The following GALNT17 variants were observed in gnomAD, a reference collection of about 807,000 sequenced individuals.
The protein encoded by GALNT17 is UDP-GalNAc:polypeptide N-acetylgalactosaminyltransferase-like 3.
GALNT17 carries 29 observed loss-of-function variants against 63.7 expected under a neutral mutation model. The observed-to-expected ratio is 0.46, with a 90% CI of 0.34 to 0.62. The LOEUF (loss-of-function observed/expected upper bound fraction) is 0.62. Among genes scored for constraint, GALNT17 ranks in the 20% least tolerant of loss-of-function variants. The pLI, the probability that GALNT17 is intolerant of heterozygous loss-of-function variation, is 0.01. For synonymous variants in GALNT17, 305 were observed against 318.3 expected (o/e 0.96, Z 0.45); for missense variants, 603 against 799.6 (o/e 0.75, Z 2.97).
chr7:71,476,393 G>C (rs1787723017), intron 5 of GALNT17, among the ~76,000 whole-genome samples: 3 of 152,052 alleles, frequency 2.0e-5, no homozygotes, highest in Non-Finnish European at 4.4e-5. Context: ...GTGGTTTTCA[G>C]TGAACGAATA....
chr7:71,381,993 T>C (rs557284683), intron 2 of GALNT17, among the ~76,000 whole-genome samples: 1 of 152,078 alleles, frequency 6.6e-6, no homozygotes, highest in East Asian at 1.9e-4. Flanking sequence ...AACTGTGGGG[T>C]TGGCAAAAGG....
chr7:71,215,091 G>A (rs773298357), intron 1 of GALNT17, among the ~76,000 whole-genome samples: 1 of 152,138 alleles, frequency 6.6e-6, no homozygotes, highest in Non-Finnish European at 1.5e-5. Flanking sequence ...TTAAACCCCA[G>A]TGTAACCTTG....
At position 71,420,964 on chromosome 7, in the gene GALNT17, C is replaced by T. The variant is rs778022057; in HGVS notation, c.821C>T (p.Ser274Phe). The T allele has an allele frequency of 3.1e-6, 5 of 1,614,172 alleles. No homozygotes were observed. The highest frequency in any genetic ancestry group is 1.1e-5 in the South Asian group (1 of 91,086). Reference protein sequence around the residue: ...QENRKRVILPSIDNIKQDNFE... With the variant: ...QENRKRVILPFIDNIKQDNFE... ...AACCGGAAGCGTGTGATCCTCCCCT[C>T]CATTGACAACATCAAACAGGACAAC... is the stretch of plus-strand genomic sequence containing the variant. The change falls in exon 5 of 11, where the codon TCC becomes TTC. Residue 274 changes from serine (S) to phenylalanine (F), a missense_variant. By Grantham distance (155) the Ser-to-Phe change is radical. Transcript: ENST00000333538.
rs117334999 is a variant in GALNT17, at chr7:71,539,562, A to G, written c.963-31723A>G. Among the ~76,000 whole-genome samples the G allele has an allele frequency of 4.7e-3, 711 of 152,208 alleles. 10 individuals are homozygous for G. Among genetic ancestry groups the G allele is most frequent in the East Asian group, 0.021 (110 of 5,166 alleles). ...TGCCTTCGACATCAATCCAACACAC[A>G]TATTTTTCCAGCAAATATTTTTATA... On this transcript the variant is annotated intron_variant, in intron 5 of 10. Transcript: ENST00000333538.
At chr7:71,464,747 C>G (rs1422297054) in intron 5 of GALNT17, among the ~76,000 whole-genome samples, 2 of 152,144 alleles carry the variant, frequency 1.3e-5, no homozygotes, top group Non-Finnish European at 2.9e-5. Context: ...CCTTGGTGCT[C>G]TGGGGCTGAG....
Position 71,712,201 on chromosome 7 carries a change from A to G in GALNT17, c.*55A>G. 6.3e-7 allele frequency: 1 copy of G among 1,583,660 alleles called. No homozygotes were observed. The highest frequency in any genetic ancestry group is 8.6e-7 in the Non-Finnish European group (1 of 1,165,256). ...CCCCCAGGACATGGCTGCTCCCCCC[A>G]ACATCTGGACCAGCTGCCCTGGCGG... On this transcript the variant is annotated 3_prime_UTR_variant, in exon 11 of 11. Transcript: ENST00000333538.
At chr7:71,499,791 C>G (rs943794210) in intron 5 of GALNT17, among the ~76,000 whole-genome samples, 1 of 152,170 alleles carries the variant, frequency 6.6e-6, no homozygotes, top group South Asian at 2.1e-4. Flanking sequence ...TGTGTCCCCC[C>G]ACAAATCTCA....
chr7:71,573,366 T>C (rs951723698), intron 6 of GALNT17, among the ~76,000 whole-genome samples: 3 of 152,070 alleles, frequency 2.0e-5, no homozygotes, highest in Non-Finnish European at 2.9e-5. Context: ...AGTCTTGCTC[T>C]GTCGCCCAGG....
At chr7:71,641,675 C>T (rs1005779472) in intron 6 of GALNT17, among the ~76,000 whole-genome samples, 1 of 152,000 alleles carries the variant, frequency 6.6e-6, no homozygotes, top group East Asian at 1.9e-4. Flanking sequence ...ATCCTGTCAC[C>T]GAGAGGGTCA....
At chr7:71,669,160 G>C (rs1333992541) in intron 7 of GALNT17, among the ~76,000 whole-genome samples, 1 of 152,142 alleles carries the variant, frequency 6.6e-6, no homozygotes, top group Non-Finnish European at 1.5e-5. Flanking sequence ...GTAGGTTCCT[G>C]ATTTTGCTTA....
chr7:71,690,897 G>A (rs1791434261), intron 9 of GALNT17, among the ~76,000 whole-genome samples: 1 of 152,128 alleles, frequency 6.6e-6, no homozygotes, highest in Non-Finnish European at 1.5e-5. Flanking sequence ...CAAAGACAGT[G>A]GTCTCTTGAG....
intron 1 of GALNT17, among the ~76,000 whole-genome samples, chr7:71,315,882 C>A (rs80322158): frequency 2.0e-5 from 3 of 152,082 alleles, no homozygotes; most frequent in Non-Finnish European, 4.4e-5. Flanking sequence ...GGGTGTGTGT[C>A]CATGTCCATC....
chr7:71,662,970 A>G (rs1477450793), intron 6 of GALNT17, among the ~76,000 whole-genome samples: 2 of 152,110 alleles, frequency 1.3e-5, no homozygotes, highest in Admixed American at 6.6e-5. Context: ...TCCTTAGCCC[A>G]CTGAATTGTC....
At chr7:71,234,451 A>G (rs549225443) in intron 1 of GALNT17, among the ~76,000 whole-genome samples, 2 of 152,046 alleles carry the variant, frequency 1.3e-5, no homozygotes, top group East Asian at 1.9e-4. Context: ...TAGTAGAGAG[A>G]CAGGGTTTCA....
At chr7:71,358,177 C>T (rs900726582) in intron 2 of GALNT17, among the ~76,000 whole-genome samples, 1 of 152,116 alleles carries the variant, frequency 6.6e-6, no homozygotes, top group Non-Finnish European at 1.5e-5. Context: ...TTGAAGTCAG[C>T]GAGACCACGA....
intron 2 of GALNT17, among the ~76,000 whole-genome samples, chr7:71,382,824 A>AT (rs2116324241): frequency 6.6e-6 from 1 of 152,098 alleles, no homozygotes; most frequent in African/African-American, 2.4e-5. Flanking sequence ...GAATTTATTT[A>AT]TTTTTCCCAT....
At chr7:71,393,241 T>C (rs1240903983) in intron 3 of GALNT17, among the ~76,000 whole-genome samples, 1 of 152,236 alleles carries the variant, frequency 6.6e-6, no homozygotes, top group Non-Finnish European at 1.5e-5. Context: ...GCCTTGAATT[T>C]AGTTCTTCTT....
chr7:71,615,050 T>C (rs1453363544), intron 6 of GALNT17, among the ~76,000 whole-genome samples: 1 of 152,186 alleles, frequency 6.6e-6, no homozygotes, highest in African/African-American at 2.4e-5. Flanking sequence ...AGGTGGCTTG[T>C]TTCAAGACCA....
At chr7:71,231,881 G>C (rs1006955503) in intron 1 of GALNT17, among the ~76,000 whole-genome samples, 1 of 151,718 alleles carries the variant, frequency 6.6e-6, no homozygotes, top group Non-Finnish European at 1.5e-5. Context: ...CCTCCCAAAG[G>C]CCCCACCTTC....
Sources: allele counts gnomAD v4.1 joint callset (sites outside exome capture counted in the v4.1 genomes callset), GRCh38; gene constraint gnomAD v4.1.1; transcripts MANE v1.5; gene names NCBI Gene and HGNC (gene_info 2026-07-23, HGNC 2026-07-21).